CHST9: variants seen among roughly 807,000 people sequenced by gnomAD.
CHST9 encodes the protein carbohydrate sulfotransferase 9, also known as GalNAc-4-sulfotransferase 2.
Under a neutral mutation model 44.4 loss-of-function variants are expected in CHST9, and 41 were observed. The ratio of observed to expected loss-of-function variants is 0.92; its 90% CI spans 0.72 to 1.20. The LOEUF (loss-of-function observed/expected upper bound fraction) is 1.20, where lower values mean the gene tolerates loss of function less well. Among genes scored for constraint, CHST9 ranks in the 50% most tolerant of loss-of-function variants. CHST9 has a pLI of 0.00. For synonymous variants in CHST9, 171 were observed against 178.4 expected, an observed-to-expected ratio of 0.96 and a Z score of 0.33; for missense variants, 504 against 516.5, an observed-to-expected ratio of 0.98 and a Z score of 0.23.
At chr18:26,945,814 G>T (rs1319251171) in intron 4 of CHST9, among the ~76,000 whole-genome samples, 1 of 152,164 alleles carries the variant, frequency 6.6e-6, no homozygotes, top group African/African-American at 2.4e-5. Context: ...TATAATAGTT[G>T]TAGGCTTAAT....
chr18:27,172,272 T>C (rs530469801), intron 1 of CHST9, among the ~76,000 whole-genome samples: 54 of 152,262 alleles, frequency 3.5e-4, no homozygotes, highest in Middle Eastern at 3.4e-3. Context: ...TTTTAACTTA[T>C]GTTATTCATG....
chr18:27,153,924 C>T (rs2058679056), intron 1 of CHST9, among the ~76,000 whole-genome samples: 1 of 152,064 alleles, frequency 6.6e-6, no homozygotes, highest in Non-Finnish European at 1.5e-5. Flanking sequence ...CATGTAGTTC[C>T]TGCTGTTGCT....
intron 4 of CHST9, among the ~76,000 whole-genome samples, chr18:26,967,839 G>C (rs990255184): frequency 6.6e-6 from 1 of 152,126 alleles, no homozygotes; most frequent in Non-Finnish European, 1.5e-5. Context: ...CTGCCAGTGC[G>C]GCCAGAATAA....
rs1475859786 is a variant in CHST9, at chr18:27,177,642, A to T, written c.-97+7494T>A. Among the ~76,000 whole-genome samples the T allele has an allele frequency of 2.6e-5, 4 of 151,982 alleles. No homozygotes were observed. The East Asian group carries it at 7.7e-4, about 29-fold the overall frequency. On this transcript the variant is annotated intron_variant, in intron 1 of 5. Transcript: ENST00000618847. ...ATTTCTTTTACCACATTAGCTGGGT[A>T]TATTTTTCCTTTTCTTAACCATATT...
chr18:27,089,189 G>A (rs1448082096), intron 2 of CHST9, among the ~76,000 whole-genome samples: 2 of 150,920 alleles, frequency 1.3e-5, no homozygotes, highest in African/African-American at 2.4e-5. Context: ...TGTGCACAAC[G>A]TGCAGGTTTG....
chr18:26,934,475 C>G (rs541063746), intron 5 of CHST9: 2 of 152,146 alleles, frequency 1.3e-5, no homozygotes, highest in African/African-American at 4.8e-5. Context: ...ACCTTGTGAT[C>G]CGCCCGCCCC....
At chr18:27,015,450 A>C (rs1241400730) in intron 4 of CHST9, among the ~76,000 whole-genome samples, 1 of 151,730 alleles carries the variant, frequency 6.6e-6, no homozygotes, top group Non-Finnish European at 1.5e-5. Context: ...GCGTGGAATC[A>C]AGGAGGGGAC....
intron 4 of CHST9, among the ~76,000 whole-genome samples, chr18:27,006,774 G>A (rs1160454726): frequency 2.0e-5 from 3 of 152,144 alleles, no homozygotes; most frequent in African/African-American, 7.2e-5. Flanking sequence ...GCAGAGAAAA[G>A]TCCAATCTCC....
At chr18:26,976,980 GA>G (rs2056631216) in intron 4 of CHST9, among the ~76,000 whole-genome samples, 1 of 151,260 alleles carries the variant, frequency 6.6e-6, no homozygotes, top group Non-Finnish European at 1.5e-5. Context: ...TTATTTGCAG[GA>G]AAAACATGAG....
chr18:26,954,527 G>A (rs928884809), intron 4 of CHST9, among the ~76,000 whole-genome samples: 2 of 151,994 alleles, frequency 1.3e-5, no homozygotes, highest in African/African-American at 4.8e-5. Flanking sequence ...TTGCCTTGCT[G>A]TCTGTTTCCC....
chr18:27,141,370 CA>C (rs771530331), intron 2 of CHST9, among the ~76,000 whole-genome samples: 12 of 151,160 alleles, frequency 7.9e-5, no homozygotes, highest in Middle Eastern at 3.4e-3. Flanking sequence ...GTCTCAAAAA[CA>C]AACAAACAAC....
intron 5 of CHST9, among the ~76,000 whole-genome samples, chr18:26,924,061 A>G (rs2055715522): frequency 6.6e-6 from 1 of 152,110 alleles, no homozygotes; most frequent in Non-Finnish European, 1.5e-5. Flanking sequence ...TACCATATAT[A>G]TGATGGGGAT....
rs1555666529 is a variant in CHST9 at position 26,912,417 on chromosome 18, A to ACACC, written c.*3841_*3842insGGTG. On this transcript the variant is annotated 3_prime_UTR_variant, in exon 6 of 6. Transcript: ENST00000618847. ...CACACACACACACACACACACAGAC[A>ACACC]CCCATATTTGTATGGAAAAAATTTC... The ACACC allele has an allele frequency of 2.0e-5, 3 of 151,632 alleles. No homozygotes were observed. The highest frequency in any genetic ancestry group is 2.9e-5 in the Non-Finnish European group (2 of 67,964). 9.4% of individuals were successfully genotyped at this position (151,632 alleles called of 1,614,324 possible).
At chr18:26,944,715 C>G (rs2056136647) in intron 4 of CHST9, among the ~76,000 whole-genome samples, 1 of 152,114 alleles carries the variant, frequency 6.6e-6, no homozygotes, top group Non-Finnish European at 1.5e-5. Context: ...CAAACAATGA[C>G]AACCTATTGA....
At chr18:27,083,558 A>G (rs1187141540) in intron 2 of CHST9, among the ~76,000 whole-genome samples, 1 of 152,200 alleles carries the variant, frequency 6.6e-6, no homozygotes, top group Non-Finnish European at 1.5e-5. Flanking sequence ...TCCAAAGCCA[A>G]TTCACTACAA....
rs58233892 is a variant in CHST9, at chr18:26,993,642, C to T, written c.202+30474G>A. On this transcript the variant is annotated intron_variant, in intron 4 of 5. Coordinates refer to ENST00000618847, the MANE Select transcript of CHST9 (RefSeq NM_031422.6). ...GAAAGAAAACCAGAAAGACTATATTCGATTTAATTGTTTTTAGAAAATTAA... is the reference window on the plus strand; with the variant it reads ...GAAAGAAAACCAGAAAGACTATATTTGATTTAATTGTTTTTAGAAAATTAA... Among the ~76,000 whole-genome samples the T allele has an allele frequency of 2.6e-3, 402 of 152,116 alleles. 2 individuals are homozygous for T. Among genetic ancestry groups the T allele is most frequent in the African/African-American group, 9.0e-3 (374 of 41,500 alleles).
intron 4 of CHST9, among the ~76,000 whole-genome samples, chr18:27,019,641 C>G: frequency 7.8e-6 from 1 of 127,694 alleles, no homozygotes; most frequent in East Asian, 2.4e-4. Context: ...TTCTTGCCGT[C>G]AAGGACGCAC....
In CHST9 at chr18:27,004,583, A is replaced by C. The variant is rs1471442559; in HGVS notation, c.202+19533T>G. ...AAAGACATATGCTACTAATTGTTTT[A>C]TTTCAGAAAGTACTTTTGGCAATGC... On this transcript the variant is annotated intron_variant, in intron 4 of 5. Coordinates refer to ENST00000618847, the MANE Select transcript of CHST9 (RefSeq NM_031422.6). 9.9e-5 allele frequency among the ~76,000 whole-genome samples: 15 copies of C among 152,198 alleles called. No individual in the cohort carries two copies. The South Asian group carries it at 1.2e-3, about 13-fold the overall frequency.
At chr18:27,072,253 TA>T (rs980331124) in intron 2 of CHST9, among the ~76,000 whole-genome samples, 2 of 152,216 alleles carry the variant, frequency 1.3e-5, no homozygotes, top group African/African-American at 4.8e-5. Context: ...CAGTCTGCAA[TA>T]AAGCTTTGTT....
Sources: allele counts gnomAD v4.1 joint callset (sites outside exome capture counted in the v4.1 genomes callset), GRCh38; gene constraint gnomAD v4.1.1; transcripts MANE v1.5; gene names NCBI Gene and HGNC (gene_info 2026-07-23, HGNC 2026-07-21).